Variants in PRKACB observed in about 807,000 individuals in gnomAD.
PRKACB encodes the protein protein kinase cAMP-activated catalytic subunit beta.
PRKACB carries 16 observed loss-of-function variants against 51.4 expected under a neutral mutation model. That is an observed-to-expected ratio of 0.31 (90% confidence interval 0.21 to 0.47). The LOEUF is 0.47. Ranked by LOEUF, PRKACB falls within the 20% of genes least tolerant of loss-of-function variation. The pLI is 1.00. For missense variants in PRKACB, 309 were observed against 464.5 expected, an observed-to-expected ratio of 0.67 and a Z score of 3.08; for synonymous variants, 147 against 154.4, an observed-to-expected ratio of 0.95 and a Z score of 0.35.
chr1:84,237,432 A>T lies in PRKACB; in HGVS notation c.*2127A>T, dbSNP rs1292989427. Reference sequence around the variant, plus strand: ...AAAAGATTTCTATGAATTCTAAAAAATATTTTTTTCTATGAAATTACTAGT... The same window carrying T: ...AAAAGATTTCTATGAATTCTAAAAATTATTTTTTTCTATGAAATTACTAGT... On this transcript the variant is annotated 3_prime_UTR_variant, in exon 10 of 10. Transcript: ENST00000370685. The T allele has an allele frequency of 6.6e-6, 1 of 152,526 alleles. No homozygotes were observed. Among genetic ancestry groups the T allele is most frequent in the East Asian group, 1.9e-4 (1 of 5,196 alleles). The allele number at this position is 152,526 out of a possible 1,614,324, so 9.4% of individuals were successfully genotyped here. A position where few individuals can be genotyped will look rare whatever the true frequency, so the allele number is the denominator to read the frequency against.
intron 1 of PRKACB, chr1:84,164,927 C>G: frequency 2.6e-6 from 4 of 1,517,978 alleles, no homozygotes; most frequent in Non-Finnish European, 2.6e-6. Context: ...CGGTTCTTCT[C>G]CCTCTAGAGA....
intron 2 of PRKACB, among the ~76,000 whole-genome samples, chr1:84,179,773 T>C (rs1046402958): frequency 1.1e-4 from 17 of 151,968 alleles, no homozygotes; most frequent in Non-Finnish European, 2.4e-4. Context: ...TTTGGAGTTA[T>C]AAATAATGAA....
At chr1:84,227,102 GT>G (rs983275688) in intron 9 of PRKACB, among the ~76,000 whole-genome samples, 3 of 152,056 alleles carry the variant, frequency 2.0e-5, no homozygotes, top group African/African-American at 7.2e-5. Context: ...GTAGTCATAA[GT>G]TTTATTAGTC....
intron 1 of PRKACB, among the ~76,000 whole-genome samples, chr1:84,150,301 A>G (rs1054597885): frequency 6.6e-6 from 1 of 152,118 alleles, no homozygotes; most frequent in Non-Finnish European, 1.5e-5. Context: ...ATAAAATAAA[A>G]TAAAGAAAAC....
rs888647011 is a variant in PRKACB, at chr1:84,202,914, T to C, written c.906+109T>C. 14 of 1,006,196 alleles carry C rather than the reference T, an allele frequency of 1.4e-5. No homozygotes were observed. In the African/African-American group the frequency reaches 1.5e-4, roughly 11 times the overall value. 62.3% of individuals were successfully genotyped at this position (1,006,196 alleles called of 1,614,324 possible). ...TTATTATTCTACATTGGGAAAAATA[T>C]AGAAAAATCTACAGTTGCTGCTCTT... On this transcript the variant is annotated intron_variant, in intron 8 of 9. Transcript: ENST00000370685.
At chr1:84,092,726 G>T (rs542969902) in intron 1 of PRKACB, among the ~76,000 whole-genome samples, 1 of 151,982 alleles carries the variant, frequency 6.6e-6, no homozygotes, top group Non-Finnish European at 1.5e-5. Context: ...GGTTTTAGTC[G>T]CTCCACATCC....
chr1:84,121,864 T>A (rs943170082), intron 1 of PRKACB, among the ~76,000 whole-genome samples: 2 of 152,026 alleles, frequency 1.3e-5, no homozygotes, highest in Non-Finnish European at 2.9e-5. Flanking sequence ...TTTTCTGGGG[T>A]CTATAGGACA....
At chr1:84,112,407 A>G (rs936702451) in intron 1 of PRKACB, among the ~76,000 whole-genome samples, 2 of 151,568 alleles carry the variant, frequency 1.3e-5, no homozygotes, top group Middle Eastern at 3.4e-3. Context: ...TGATTTTTGT[A>G]TTTCTTTTCA....
chr1:84,081,621 T>A (rs1486497984), intron 1 of PRKACB, among the ~76,000 whole-genome samples: 1 of 151,360 alleles, frequency 6.6e-6, no homozygotes, highest in Non-Finnish European at 1.5e-5. Context: ...TCAGTTAAGT[T>A]TGTTTTACTT....
At chr1:84,145,491 G>T (rs139233222) in intron 1 of PRKACB, among the ~76,000 whole-genome samples, 86 of 152,168 alleles carry the variant, frequency 5.7e-4, no homozygotes, top group African/African-American at 1.9e-3. Context: ...GCAAAATCAA[G>T]AATGGCTTAC....
intron 1 of PRKACB, among the ~76,000 whole-genome samples, chr1:84,119,096 T>C (rs1442435952): frequency 1.3e-5 from 2 of 152,154 alleles, no homozygotes; most frequent in Non-Finnish European, 2.9e-5. Context: ...TTTCTCCCTC[T>C]TTCTGTGTTT....
At chr1:84,210,249 T>C in intron 8 of PRKACB, among the ~76,000 whole-genome samples, 1 of 152,236 alleles carries the variant, frequency 6.6e-6, no homozygotes, top group South Asian at 2.1e-4. Context: ...AAACAATAAA[T>C]AATATTGAAG....
intron 8 of PRKACB, among the ~76,000 whole-genome samples, chr1:84,203,193 T>A (rs895964878): frequency 2.0e-5 from 3 of 152,032 alleles, no homozygotes; most frequent in African/African-American, 7.2e-5. Context: ...CTTGTTTTAA[T>A]TATGTCCAAT....
chr1:84,102,336 G>A (rs1474540403), intron 1 of PRKACB, among the ~76,000 whole-genome samples: 2 of 152,050 alleles, frequency 1.3e-5, no homozygotes, highest in South Asian at 2.1e-4. Flanking sequence ...GTAGTCAACC[G>A]AGATTGCGCC....
chr1:84,201,084 T>G (rs1196055931), intron 7 of PRKACB, among the ~76,000 whole-genome samples: 3 of 152,138 alleles, frequency 2.0e-5, no homozygotes, highest in Non-Finnish European at 4.4e-5. Context: ...GTAGAATTAC[T>G]GGGTCAAGGA....
chr1:84,209,269 A>G (rs1323634897), intron 8 of PRKACB, among the ~76,000 whole-genome samples: 4 of 152,114 alleles, frequency 2.6e-5, no homozygotes, highest in African/African-American at 7.2e-5. Context: ...CCCAAATTCC[A>G]TACTCTTGTA....
At chr1:84,093,985 C>T (rs1001847173) in intron 1 of PRKACB, among the ~76,000 whole-genome samples, 3 of 151,838 alleles carry the variant, frequency 2.0e-5, no homozygotes, top group African/African-American at 7.2e-5. Flanking sequence ...ATTTTATTAA[C>T]TGTAAGTTAT....
chr1:84,201,776 A>T (rs1670181648), intron 7 of PRKACB, among the ~76,000 whole-genome samples: 1 of 152,050 alleles, frequency 6.6e-6, no homozygotes, highest in Non-Finnish European at 1.5e-5. Context: ...TCTCTTCATG[A>T]CAGGTTTTTG....
At chr1:84,130,581 A>G (rs571595919) in intron 1 of PRKACB, among the ~76,000 whole-genome samples, 1 of 152,356 alleles carries the variant, frequency 6.6e-6, no homozygotes, top group East Asian at 1.9e-4. Flanking sequence ...AGAAGAGGAA[A>G]GAGATTGCTG....
Sources: gnomAD v4.1 joint callset for allele counts (sites outside exome capture counted in the v4.1 genomes callset) on GRCh38, gnomAD v4.1.1 for gene constraint, MANE v1.5 for transcripts, NCBI Gene and HGNC (gene_info 2026-07-23, HGNC 2026-07-21) for gene names.